Variants in PTPRF observed in about 807,000 individuals in gnomAD.
The protein encoded by PTPRF is receptor-type tyrosine-protein phosphatase F.
In PTPRF, 59 loss-of-function variants were observed where a neutral mutation model predicts 201.8. That is an observed-to-expected ratio of 0.29 (90% confidence interval 0.24 to 0.36). The LOEUF is 0.36. Among genes scored for constraint, PTPRF ranks in the 10% least tolerant of loss-of-function variants. The pLI is 1.00. For missense variants in PTPRF, 2,132 were observed against 2,690.5 expected (o/e 0.79, Z 4.59); for synonymous variants, 1,088 against 1,089.7 (o/e 1.00, Z 0.03).
At chr1:43,605,146 G>T in intron 17 of PTPRF, 44 bp from the exon 18 acceptor site, 1 of 1,577,428 alleles carries the variant, frequency 6.3e-7, no homozygotes, top group South Asian at 1.2e-5. Context: ...CCGTGGTAGG[G>T]AACCTCACCC....
intron 8 of PTPRF, among the ~76,000 whole-genome samples, chr1:43,590,244 C>G (rs1650315225): frequency 6.6e-6 from 1 of 152,222 alleles, no homozygotes; most frequent in South Asian, 2.1e-4. Flanking sequence ...TTCCCTGGAT[C>G]TTACTCCACC....
intron 22 of PTPRF, among the ~76,000 whole-genome samples, chr1:43,611,447 A>G (rs1168764424): frequency 5.3e-5 from 8 of 152,314 alleles, no homozygotes; most frequent in African/African-American, 1.7e-4. Context: ...TTTCTGCAGC[A>G]TGAGAGTTAG....
rs772098851 is a variant in PTPRF, at chr1:43,619,043, C to A, written c.4492-5C>A. 6.2e-7 allele frequency: 1 copy of A among 1,612,374 alleles called. No individual in the cohort carries two copies. The highest frequency in any genetic ancestry group is 1.1e-5 in the South Asian group (1 of 91,034). On this transcript the variant is annotated splice_polypyrimidine_tract_variant and splice_region_variant and intron_variant, in intron 26 of 33. Coordinates refer to ENST00000359947, the MANE Select transcript of PTPRF (RefSeq NM_002840.5). ...TCGCCAGTATGTCCCCACTTTGTCC[C>A]CCAGAGTGGCTCCAGTGAGAAGCGC... is the stretch of plus-strand genomic sequence containing the variant.
intron 6 of PTPRF, among the ~76,000 whole-genome samples, chr1:43,577,287 C>T (rs1156265275): frequency 1.3e-5 from 2 of 152,210 alleles, no homozygotes; most frequent in African/African-American, 2.4e-5. Context: ...GTACTAGTGT[C>T]CATCCATCCC....
In PTPRF at chr1:43,546,945, C is replaced by G. The variant is rs1245255050; in HGVS notation, c.91+1779C>G. Among the ~76,000 whole-genome samples the G allele has an allele frequency of 6.6e-6, 1 of 152,244 alleles. No homozygotes were observed. Among genetic ancestry groups the G allele is most frequent in the East Asian group, 1.9e-4 (1 of 5,200 alleles). On this transcript the variant is annotated intron_variant, in intron 3 of 33. Transcript: ENST00000359947. The surrounding 1 kb of genome is among the most constrained non-coding windows in gnomAD (Gnocchi z 4.2). Reference sequence around the variant, plus strand: ...CCGCCTTCATCCAAGCCACCCTCGGCTCTTGGGCTTTTGCACGCAACAGCC... The same window carrying G: ...CCGCCTTCATCCAAGCCACCCTCGGGTCTTGGGCTTTTGCACGCAACAGCC...
intron 1 of PTPRF, among the ~76,000 whole-genome samples, chr1:43,536,772 T>C (rs1311796983): frequency 6.6e-6 from 1 of 152,096 alleles, no homozygotes; most frequent in South Asian, 2.1e-4. Flanking sequence ...GAGGGAAGCA[T>C]GCAGAGAGGG....
chr1:43,621,567 CAG>C (rs754230562), intron 33 of PTPRF, among the ~76,000 whole-genome samples: 4 of 152,158 alleles, frequency 2.6e-5, no homozygotes, highest in Non-Finnish European at 4.4e-5. Flanking sequence ...CCTGGGGGCT[CAG>C]GGGATTGATG....
At position 43,575,497 on chromosome 1, in the gene PTPRF, T is replaced by G. The variant is rs371578321; in HGVS notation, c.569-3313T>G. The stretch of plus-strand genomic sequence containing the variant: ...CTGTCTGCCTTAACACCAGGCTTTG[T>G]TTTGGTAAGTGCTTTGTTTTGGAAT... On this transcript the variant is annotated intron_variant, in intron 6 of 33. Transcript: ENST00000359947. Among the ~76,000 whole-genome samples, 3 of 152,254 alleles carry G rather than the reference T, an allele frequency of 2.0e-5. 1 individual carries two copies.
chr1:43,558,929 G>A (rs1557707764), intron 5 of PTPRF, among the ~76,000 whole-genome samples: 1 of 152,224 alleles, frequency 6.6e-6, no homozygotes. Flanking sequence ...ACATTCAGTG[G>A]TGTGGGGAGG....
At chr1:43,533,724 GAC>G (rs1643840236) in intron 1 of PTPRF, among the ~76,000 whole-genome samples, 1 of 152,192 alleles carries the variant, frequency 6.6e-6, no homozygotes, top group South Asian at 2.1e-4. Flanking sequence ...CCTTGTGACT[GAC>G]ACTGCTGTGT....
intron 5 of PTPRF, among the ~76,000 whole-genome samples, chr1:43,566,610 G>A (rs1478147629): frequency 6.6e-6 from 1 of 152,232 alleles, no homozygotes; most frequent in African/African-American, 2.4e-5. Context: ...GCCAGGCCAG[G>A]CGCATGGTGG....
chr1:43,615,240 C>T (rs1190113576), intron 23 of PTPRF, among the ~76,000 whole-genome samples: 1 of 152,206 alleles, frequency 6.6e-6, no homozygotes, highest in Non-Finnish European at 1.5e-5. Context: ...ATAGGGCCCC[C>T]CTGGGGCCCT....
rs779197182 is a variant in PTPRF, at chr1:43,542,022, C to T, written c.-45-3009C>T. Among the ~76,000 whole-genome samples, 1 of 152,154 alleles carries T rather than the reference C, an allele frequency of 6.6e-6. No individual in the cohort carries two copies. The highest frequency in any genetic ancestry group is 2.1e-4 in the South Asian group (1 of 4,818). On this transcript the variant is annotated intron_variant, in intron 2 of 33. Coordinates refer to ENST00000359947, the MANE Select transcript of PTPRF (RefSeq NM_002840.5). This position sits in a 1 kb window ranked among gnomAD's most constrained non-coding sequence, Gnocchi z 5.2. The stretch of plus-strand genomic sequence containing the variant: ...CATGGATTCACAAGATGCTCAACCT[C>T]GCAACCGCAGTCAGGCTAGCAGCAG...
At chr1:43,596,055 G>A (rs913655772) in intron 11 of PTPRF, among the ~76,000 whole-genome samples, 4 of 152,138 alleles carry the variant, frequency 2.6e-5, no homozygotes, top group African/African-American at 9.7e-5. Flanking sequence ...CAGCGGCCAG[G>A]AAGGAGCATG....
At chr1:43,532,620 C>A (rs1643694057) in intron 1 of PTPRF, 1 of 172,914 alleles carries the variant, frequency 5.8e-6, no homozygotes, top group Non-Finnish European at 1.3e-5. Context: ...CTTTGGGAGG[C>A]TTCGGGGATC....
chr1:43,589,082 A>G lies in PTPRF; in HGVS notation c.949+82A>G, dbSNP rs1021014215. On this transcript the variant is annotated intron_variant, in intron 8 of 33. Coordinates refer to ENST00000359947, the MANE Select transcript of PTPRF (RefSeq NM_002840.5). ...GGTGGGCGAATGTGAGCTGGCTGCC[A>G]TGGGCACAGGCATGGCTGAGGGATT... is the stretch of plus-strand genomic sequence containing the variant. 7.0e-6 allele frequency: 10 copies of G among 1,430,600 alleles called. No individual in the cohort carries two copies. In the African/African-American group the frequency reaches 1.0e-4, roughly 15 times the overall value. The allele number at this position is 1,430,600 out of a possible 1,614,324, so 88.6% of individuals were successfully genotyped here. A position where few individuals can be genotyped will look rare whatever the true frequency, so the allele number is the denominator to read the frequency against.
At chr1:43,577,311 G>C (rs1250987915) in intron 6 of PTPRF, among the ~76,000 whole-genome samples, 2 of 152,216 alleles carry the variant, frequency 1.3e-5, no homozygotes, top group African/African-American at 4.8e-5. Context: ...AGCATGACCT[G>C]TTGGGTGCCC....
chr1:43,588,220 A>T lies in PTPRF; in HGVS notation c.680-511A>T, dbSNP rs1403149139. ...CCCTCAGGCCATGGCCTGGAGGTGG[A>T]GGCAGTGACTCCACGGCAGGTGGCT... On this transcript the variant is annotated intron_variant, in intron 7 of 33. Coordinates refer to ENST00000359947, the MANE Select transcript of PTPRF (RefSeq NM_002840.5). The surrounding 1 kb of genome is among the most constrained non-coding windows in gnomAD (Gnocchi z 5.3). Among the ~76,000 whole-genome samples the T allele has an allele frequency of 6.6e-6, 1 of 152,032 alleles. No homozygotes were observed. The highest frequency in any genetic ancestry group is 2.4e-5 in the African/African-American group (1 of 41,376).
chr1:43,620,524 C>T lies in PTPRF; in HGVS notation c.5309C>T (p.Ala1770Val), dbSNP rs1430783133. 1 of 1,613,918 alleles carries T rather than the reference C, an allele frequency of 6.2e-7. No homozygotes were observed. Among genetic ancestry groups the T allele is most frequent in the Non-Finnish European group, 8.5e-7 (1 of 1,179,896 alleles). The change falls in exon 31 of 34, where the codon GCT becomes GTT. Residue 1770 changes from alanine (A) to valine (V), a missense_variant. Physicochemically the swap from Ala to Val is moderately conservative, Grantham distance 64. Coordinates refer to ENST00000359947, the MANE Select transcript of PTPRF (RefSeq NM_002840.5). ...CAGTACTTTGTTGTTGACCCGATGG[C>T]TGAGTACAACATGCCCCAGTATATC... ...RYQYFVVDPMAEYNMPQYILR... is the reference protein window; with the variant it reads ...RYQYFVVDPMVEYNMPQYILR...
Sources: gnomAD v4.1 joint callset for allele counts (sites outside exome capture counted in the v4.1 genomes callset) on GRCh38, gnomAD v4.1.1 for gene constraint, Gnocchi (gnomAD v3.1) non-coding constraint, MANE v1.5 for transcripts, NCBI Gene and HGNC (gene_info 2026-07-23, HGNC 2026-07-21) for gene names.